LHFPL6: variants seen among roughly 807,000 people sequenced by gnomAD.
The protein encoded by LHFPL6 is LHFPL tetraspan subfamily member 6.
A neutral mutation model predicts 20.6 loss-of-function variants in LHFPL6; 9 were observed. The observed-to-expected ratio is 0.44, with a 90% CI of 0.26 to 0.76. LHFPL6 has a LOEUF of 0.76. LHFPL6 is among the 30% of genes least tolerant of loss of function. The pLI is 0.20. For missense variants in LHFPL6, 218 were observed against 253.5 expected, an observed-to-expected ratio of 0.86 and a Z score of 0.95; for synonymous variants, 105 against 98.7, an observed-to-expected ratio of 1.06 and a Z score of -0.38.
chr13:39,419,879 A>AATCC (rs1871436439), intron 2 of LHFPL6, among the ~76,000 whole-genome samples: 1 of 152,214 alleles, frequency 6.6e-6, no homozygotes, highest in African/African-American at 2.4e-5. Flanking sequence ...TATATTTAAA[A>AATCC]ATCCAAGTAC....
chr13:39,426,636 T>G (rs1192665674), intron 2 of LHFPL6, among the ~76,000 whole-genome samples: 2 of 152,356 alleles, frequency 1.3e-5, no homozygotes, highest in South Asian at 2.1e-4. Context: ...TTTTCAAGGT[T>G]CACCCACGGT....
chr13:39,591,223 A>G (rs1872582107), intron 2 of LHFPL6, among the ~76,000 whole-genome samples: 1 of 152,224 alleles, frequency 6.6e-6, no homozygotes, highest in Admixed American at 6.5e-5. Flanking sequence ...ACTAGATCTG[A>G]GCCTACTCTA....
intron 2 of LHFPL6, among the ~76,000 whole-genome samples, chr13:39,507,889 C>CCCTTCCTTCCTTCCTT (rs142738046): frequency 0.011 from 1,551 of 143,598 alleles, 15 homozygotes; most frequent in Non-Finnish European, 0.015. Flanking sequence ...TGCCTCCCCT[C>CCCTTCCTTCCTTCCTT]CCTTCCTTCC....
intron 2 of LHFPL6, among the ~76,000 whole-genome samples, chr13:39,574,696 G>A (rs1263739929): frequency 2.0e-5 from 3 of 152,160 alleles, no homozygotes; most frequent in Admixed American, 6.5e-5. Context: ...AAATTGATAT[G>A]GATGTACAAG....
At chr13:39,570,979 A>T (rs562941992) in intron 2 of LHFPL6, among the ~76,000 whole-genome samples, 1 of 152,340 alleles carries the variant, frequency 6.6e-6, no homozygotes, top group South Asian at 2.1e-4. Context: ...CTTAATTTCC[A>T]TTAATCTAAC....
chr13:39,596,725 T>C (rs1872783144), intron 2 of LHFPL6, among the ~76,000 whole-genome samples: 1 of 151,970 alleles, frequency 6.6e-6, no homozygotes, highest in Admixed American at 6.6e-5. Flanking sequence ...TTCTTTAAAT[T>C]AGAGCAACTG....
intron 2 of LHFPL6, among the ~76,000 whole-genome samples, chr13:39,491,128 C>T (rs1228526204): frequency 6.6e-6 from 1 of 152,102 alleles, no homozygotes; most frequent in Admixed American, 6.5e-5. Flanking sequence ...AAACGAGAAA[C>T]GTATTTGCAA....
rs553831084 is a variant in LHFPL6, at chr13:39,524,377, T to C, written c.385+76455A>G. Reference sequence around the variant, plus strand: ...AAAAAGGATGAGGGAAACGGAGCTGTCTCTAAGTGGGTCCATAAAAACCAC... The same window carrying C: ...AAAAAGGATGAGGGAAACGGAGCTGCCTCTAAGTGGGTCCATAAAAACCAC... On this transcript the variant is annotated intron_variant, in intron 2 of 3. Coordinates refer to ENST00000379589, the MANE Select transcript of LHFPL6 (RefSeq NM_005780.3). Among the ~76,000 whole-genome samples the C allele has an allele frequency of 3.3e-5, 5 of 151,434 alleles. No individual in the cohort carries two copies. The East Asian group carries it at 9.7e-4, about 29-fold the overall frequency.
intron 2 of LHFPL6, among the ~76,000 whole-genome samples, chr13:39,456,731 C>T (rs6563704): frequency 0.28 from 42,818 of 151,432 alleles, 6,120 homozygotes; most frequent in Middle Eastern, 0.34. Context: ...TGAATCTCAA[C>T]ATAAGAGCTA....
At chr13:39,402,754 G>A (rs1255001964) in intron 2 of LHFPL6, among the ~76,000 whole-genome samples, 2 of 152,214 alleles carry the variant, frequency 1.3e-5, no homozygotes, top group Non-Finnish European at 2.9e-5. Context: ...AGAGTAGCTG[G>A]AAATGGAGAA....
chr13:39,557,700 G>A (rs1480935289), intron 2 of LHFPL6, among the ~76,000 whole-genome samples: 1 of 152,254 alleles, frequency 6.6e-6, no homozygotes, highest in Non-Finnish European at 1.5e-5. Context: ...ATGTTGAGAT[G>A]TGATCCCCAG....
At chr13:39,538,531 C>A (rs1424946364) in intron 2 of LHFPL6, among the ~76,000 whole-genome samples, 1 of 149,178 alleles carries the variant, frequency 6.7e-6, no homozygotes, top group African/African-American at 2.5e-5. Flanking sequence ...CAGACATATT[C>A]TATGGGACAA....
chr13:39,578,658 G>A (rs996409101), intron 2 of LHFPL6, among the ~76,000 whole-genome samples: 5 of 152,114 alleles, frequency 3.3e-5, no homozygotes, highest in Admixed American at 1.3e-4. Context: ...TCCAGAATAC[G>A]TTTCAACAAG....
intron 2 of LHFPL6, among the ~76,000 whole-genome samples, chr13:39,573,925 A>T (rs912280592): frequency 6.6e-6 from 1 of 152,206 alleles, no homozygotes; most frequent in Non-Finnish European, 1.5e-5. Context: ...CCAGGTTTAC[A>T]TACGGGTCCA....
chr13:39,474,102 A>G (rs1490920272), intron 2 of LHFPL6, among the ~76,000 whole-genome samples: 1 of 152,222 alleles, frequency 6.6e-6, no homozygotes, highest in East Asian at 1.9e-4. Context: ...CAACACCAAA[A>G]GAATTCTGAC....
chr13:39,385,900 A>G (rs1485112695), intron 2 of LHFPL6, among the ~76,000 whole-genome samples: 1 of 152,164 alleles, frequency 6.6e-6, no homozygotes, highest in Non-Finnish European at 1.5e-5. Context: ...ATGTGATCTC[A>G]CTTTTTTCCA....
intron 2 of LHFPL6, among the ~76,000 whole-genome samples, chr13:39,542,799 C>T (rs578034063): frequency 8.5e-5 from 13 of 152,316 alleles, no homozygotes; most frequent in Middle Eastern, 6.8e-3. Flanking sequence ...TGCTAAGTCG[C>T]ATGGGTCATA....
intron 2 of LHFPL6, among the ~76,000 whole-genome samples, chr13:39,429,100 G>A: frequency 6.6e-6 from 1 of 151,764 alleles, no homozygotes; most frequent in East Asian, 1.9e-4. Context: ...GAAAAAATGT[G>A]TATTCTGCTG....
chr13:39,554,094 C>G (rs1337742736), intron 2 of LHFPL6, among the ~76,000 whole-genome samples: 1 of 152,224 alleles, frequency 6.6e-6, no homozygotes, highest in Non-Finnish European at 1.5e-5. Context: ...CTTTTTAACT[C>G]TCCTTGTGTT....
Sources: allele counts gnomAD v4.1 joint callset (sites outside exome capture counted in the v4.1 genomes callset), GRCh38; gene constraint gnomAD v4.1.1; transcripts MANE v1.5; gene names NCBI Gene and HGNC (gene_info 2026-07-23, HGNC 2026-07-21).